Variants in QTMAN observed in about 807,000 individuals in gnomAD.
QTMAN encodes tRNA-queuosine alpha-mannosyltransferase.
At chr2:144,105,531 A>G in the QTMAN span, among the ~76,000 whole-genome samples, 2 of 152,190 alleles carry the variant, frequency 1.3e-5, no homozygotes, top group African/African-American at 4.8e-5. Flanking sequence ...GAATGAAATG[A>G]AGAGAGAAGA....
At chr2:143,962,739 T>C in the QTMAN span, among the ~76,000 whole-genome samples, 1 of 152,146 alleles carries the variant, frequency 6.6e-6, no homozygotes, top group Non-Finnish European at 1.5e-5. Context: ...TATGGGACAG[T>C]AGAGAAGAGA....
the QTMAN span, among the ~76,000 whole-genome samples, chr2:144,099,633 A>C: frequency 3.3e-5 from 5 of 152,188 alleles, no homozygotes; most frequent in Admixed American, 6.5e-5. Context: ...ATGCTTCATT[A>C]AATCTTCCAT....
chr2:144,134,645 T>C, the QTMAN span, among the ~76,000 whole-genome samples: 1 of 152,100 alleles, frequency 6.6e-6, no homozygotes, highest in Non-Finnish European at 1.5e-5. Flanking sequence ...TGAAAATATA[T>C]GAAATTCTGT....
the QTMAN span, among the ~76,000 whole-genome samples, chr2:144,046,875 A>T: frequency 6.6e-6 from 1 of 152,246 alleles, no homozygotes; most frequent in African/African-American, 2.4e-5. Context: ...TAATTTGTTC[A>T]GAAAACCACA....
chr2:144,308,742 C>G, the QTMAN span, among the ~76,000 whole-genome samples: 1 of 151,822 alleles, frequency 6.6e-6, no homozygotes, highest in East Asian at 1.9e-4. Context: ...CAGAGCGAGA[C>G]TTCATTTCAA....
chr2:144,092,233 T>C, the QTMAN span, among the ~76,000 whole-genome samples: 1 of 151,750 alleles, frequency 6.6e-6, no homozygotes, highest in African/African-American at 2.4e-5. Flanking sequence ...TGGAGTGCAG[T>C]GGCATGATCT....
the QTMAN span, chr2:144,211,712 T>G: frequency 6.6e-6 from 1 of 152,498 alleles, no homozygotes; most frequent in African/African-American, 2.4e-5. Flanking sequence ...TGAGTTTTGT[T>G]TTAGAAAACT....
At chr2:144,249,761 G>A in the QTMAN span, among the ~76,000 whole-genome samples, 2 of 152,106 alleles carry the variant, frequency 1.3e-5, no homozygotes, top group Non-Finnish European at 2.9e-5. Context: ...AGTGGACAAC[G>A]CAGAAAACTC....
the QTMAN span, among the ~76,000 whole-genome samples, chr2:143,975,914 TC>T: frequency 6.6e-6 from 1 of 152,212 alleles, no homozygotes; most frequent in African/African-American, 2.4e-5. Context: ...ATGTGGCCTA[TC>T]CTAACACATT....
At chr2:144,019,501 A>C in the QTMAN span, among the ~76,000 whole-genome samples, 1 of 142,966 alleles carries the variant, frequency 7.0e-6, no homozygotes, top group Non-Finnish European at 1.5e-5. Flanking sequence ...TTTAGACAAG[A>C]AGAAGGTTGC....
chr2:143,954,394 T>C, the QTMAN span, among the ~76,000 whole-genome samples: 1 of 152,196 alleles, frequency 6.6e-6, no homozygotes, highest in South Asian at 2.1e-4. Flanking sequence ...ATAATGGATT[T>C]GAATTAGAGT....
chr2:143,991,463 C>T, the QTMAN span, among the ~76,000 whole-genome samples: 12 of 147,344 alleles, frequency 8.1e-5, no homozygotes, highest in Non-Finnish European at 1.4e-4. Flanking sequence ...CGGCCAGCCG[C>T]CCCGTCCGGG....
the QTMAN span, among the ~76,000 whole-genome samples, chr2:144,101,594 G>A: frequency 8.4e-4 from 128 of 152,168 alleles, 1 homozygote; most frequent in Middle Eastern, 0.017. Flanking sequence ...ATTCTATAAT[G>A]TGAATACAGC....
the QTMAN span, among the ~76,000 whole-genome samples, chr2:144,324,960 T>TTA: frequency 1.3e-5 from 2 of 151,960 alleles, no homozygotes; most frequent in African/African-American, 2.4e-5. Flanking sequence ...GCTGCAAACC[T>TTA]TAGTAATTTG....
chr2:144,231,083 G>A, the QTMAN span, among the ~76,000 whole-genome samples: 1 of 152,086 alleles, frequency 6.6e-6, no homozygotes, highest in African/African-American at 2.4e-5. Context: ...AAATTAAAAC[G>A]TATCAAAAAT....
At chr2:144,016,780 T>G in the QTMAN span, among the ~76,000 whole-genome samples, 1 of 152,284 alleles carries the variant, frequency 6.6e-6, no homozygotes, top group South Asian at 2.1e-4. Context: ...GAATATGACA[T>G]GATTTTACTG....
At chr2:143,969,828 G>T in the QTMAN span, among the ~76,000 whole-genome samples, 1 of 152,240 alleles carries the variant, frequency 6.6e-6, no homozygotes, top group Non-Finnish European at 1.5e-5. Flanking sequence ...CTACTGAGAT[G>T]CAGGCTGGGT....
chr2:143,977,158 C>T, the QTMAN span, among the ~76,000 whole-genome samples: 4 of 152,100 alleles, frequency 2.6e-5, no homozygotes, highest in Non-Finnish European at 4.4e-5. Context: ...AGTCTACTCC[C>T]GTGAATCCAA....
the QTMAN span, among the ~76,000 whole-genome samples, chr2:144,145,105 AT>A: frequency 6.7e-6 from 1 of 149,432 alleles, no homozygotes. Flanking sequence ...CTGTCTTACA[AT>A]TTAAAAAAAA....
Sources: allele counts gnomAD v4.1 joint callset (sites outside exome capture counted in the v4.1 genomes callset), GRCh38; gene constraint gnomAD v4.1.1; transcripts MANE v1.5; gene names NCBI Gene and HGNC (gene_info 2026-07-23, HGNC 2026-07-21).